Variants in CCDC144A observed in about 807,000 individuals in gnomAD.
The protein encoded by CCDC144A is coiled-coil domain containing 144A, also known as coiled-coil domain-containing protein 144A.
In CCDC144A, 41 loss-of-function variants were observed where a neutral mutation model predicts 143.8. That is an observed-to-expected ratio of 0.29 (90% CI 0.22 to 0.37). CCDC144A has a LOEUF of 0.37. Ranked by LOEUF, CCDC144A falls within the 10% of genes least tolerant of loss-of-function variation. The pLI, the probability that CCDC144A is intolerant of heterozygous loss-of-function variation, is 1.00. For missense variants in CCDC144A, 637 were observed against 1,488.8 expected (o/e 0.43, Z 9.41); for synonymous variants, 242 against 517.9 (o/e 0.47, Z 7.23).
At chr17:16,686,746 A>AC (rs1491332331), upstream of CCDC144A, among the ~76,000 whole-genome samples, 7 of 121,482 alleles carry the variant, frequency 5.8e-5, no homozygotes, top group East Asian at 1.8e-3. Flanking sequence ...TCACACACAC[A>AC]AACACACACA....
intron 2 of CCDC144A, among the ~76,000 whole-genome samples, chr17:16,704,438 A>G (rs923423311): frequency 3.9e-5 from 6 of 152,250 alleles, no homozygotes; most frequent in South Asian, 2.1e-4. Context: ...CTGGGTGACA[A>G]AGCGAGACTC....
In CCDC144A at chr17:16,762,258, A is replaced by G. The variant is rs572953486; in HGVS notation, c.3667-55A>G. 164 of 1,532,848 alleles carry G rather than the reference A, an allele frequency of 1.1e-4. No homozygotes were observed. In the African/African-American group the frequency reaches 2.1e-3, roughly 20 times the overall value. The allele number at this position is 1,532,848 out of a possible 1,614,324, so 95.0% of individuals were successfully genotyped here. Reference sequence around the variant, plus strand: ...TCCAAACAAAAGGAAACAAATACACAGTAATTATTCAGGTTATAATTACTT... The same window carrying G: ...TCCAAACAAAAGGAAACAAATACACGGTAATTATTCAGGTTATAATTACTT... On this transcript the variant is annotated intron_variant, in intron 13 of 16. Transcript: ENST00000399273.
intron 2 of CCDC144A, among the ~76,000 whole-genome samples, chr17:16,698,940 T>C (rs1438034882): frequency 1.3e-5 from 2 of 152,222 alleles, no homozygotes; most frequent in Admixed American, 6.5e-5. Context: ...TTTGGTCACA[T>C]CAGGAGAAAA....
intron 12 of CCDC144A, among the ~76,000 whole-genome samples, chr17:16,751,752 G>A (rs1234329103): frequency 6.6e-6 from 1 of 152,228 alleles, no homozygotes; most frequent in Non-Finnish European, 1.5e-5. Context: ...GATATAATGT[G>A]GGTCAAGGGG....
chr17:16,729,991 T>TATATATATATATATATATACACAC (rs1491438660), intron 9 of CCDC144A, among the ~76,000 whole-genome samples: 6 of 114,884 alleles, frequency 5.2e-5, no homozygotes, highest in African/African-American at 1.7e-4. Flanking sequence ...TATATATATA[T>TATATATATATATATATATACACAC]ACACACATAC....
At chr17:16,710,690 A>G (rs1159634649) in intron 5 of CCDC144A, among the ~76,000 whole-genome samples, 1 of 152,180 alleles carries the variant, frequency 6.6e-6, no homozygotes, top group Admixed American at 6.6e-5. Context: ...AACACTTAGT[A>G]TATGATGCCA....
chr17:16,672,891 T>C, the CCDC144A span, among the ~76,000 whole-genome samples: 110 of 152,232 alleles, frequency 7.2e-4, 1 homozygote, highest in East Asian at 0.02. Context: ...GAAGGATGCT[T>C]TTGCTTTTGC....
intron 8 of CCDC144A, among the ~76,000 whole-genome samples, chr17:16,723,785 C>T (rs1913231171): frequency 2.0e-5 from 3 of 152,296 alleles, no homozygotes; most frequent in Non-Finnish European, 1.5e-5. Context: ...AACATCACCT[C>T]TGTGATTAAG....
intron 12 of CCDC144A, among the ~76,000 whole-genome samples, chr17:16,737,098 G>C (rs1240560774): frequency 6.7e-6 from 1 of 149,766 alleles, no homozygotes; most frequent in Non-Finnish European, 1.5e-5. Context: ...GTGTGCACAT[G>C]AGGAAAAGAA....
chr17:16,751,621 C>T (rs1177869133), intron 12 of CCDC144A, among the ~76,000 whole-genome samples: 2 of 152,232 alleles, frequency 1.3e-5, no homozygotes, highest in African/African-American at 2.4e-5. Context: ...AGGGCAGCGG[C>T]CCAAGCCAAA....
chr17:16,712,685 A>T (rs1317506812), intron 6 of CCDC144A, among the ~76,000 whole-genome samples: 1 of 152,192 alleles, frequency 6.6e-6, no homozygotes, highest in African/African-American at 2.4e-5. Context: ...TTATAATATC[A>T]AGAAGTTGGA....
rs575802379 is a variant in CCDC144A at position 16,705,956 on chromosome 17, G to A, written c.664+557G>A. 1.3e-4 allele frequency: 20 copies of A among 157,628 alleles called. No homozygotes were observed. In the East Asian group the frequency reaches 3.2e-3, roughly 26 times the overall value. 9.8% of individuals were successfully genotyped at this position (157,628 alleles called of 1,614,324 possible). A position where few individuals can be genotyped will look rare whatever the true frequency, so the allele number is the denominator to read the frequency against. Reference sequence around the variant, plus strand: ...AAACTAGCTGGGCATGGTGGTGAACGCTTGTAGTCCCAGCTACTCAGGAGG... The same window carrying A: ...AAACTAGCTGGGCATGGTGGTGAACACTTGTAGTCCCAGCTACTCAGGAGG... On this transcript the variant is annotated intron_variant, in intron 3 of 16. Coordinates refer to ENST00000399273, the MANE Select transcript of CCDC144A (RefSeq NM_001382000.1).
At position 16,735,403 on chromosome 17, in the gene CCDC144A, A is replaced by C; in HGVS notation, c.3132A>C (p.Gln1044His). ...AATCTGTAGAGGAGAGATTATCTCA[A>C]CTACAAAGTGAAAATATGTTGCTTC... ...KQESVEERLS[Q>H]LQSENMLLRQ... The change falls in exon 12 of 17, where the codon CAA becomes CAC. Residue 1044 changes from glutamine to histidine, a missense_variant. Coordinates refer to ENST00000399273, the MANE Select transcript of CCDC144A (RefSeq NM_001382000.1). 6.2e-7 allele frequency: 1 copy of C among 1,612,018 alleles called. No individual in the cohort carries two copies. Among genetic ancestry groups the C allele is most frequent in the Non-Finnish European group, 8.5e-7 (1 of 1,178,494 alleles).
chr17:16,687,663 G>C (rs1258372321), upstream of CCDC144A, among the ~76,000 whole-genome samples: 1 of 152,016 alleles, frequency 6.6e-6, no homozygotes, highest in Non-Finnish European at 1.5e-5. Context: ...TGGAGGACTC[G>C]GGCCCATAGA....
intron 2 of CCDC144A, among the ~76,000 whole-genome samples, chr17:16,696,107 C>T (rs1441888035): frequency 1.3e-5 from 2 of 152,118 alleles, no homozygotes; most frequent in African/African-American, 2.4e-5. Flanking sequence ...CTCCGCCTCC[C>T]GAGTTCAAGT....
chr17:16,673,460 C>T, the CCDC144A span, among the ~76,000 whole-genome samples: 1 of 150,800 alleles, frequency 6.6e-6, no homozygotes, highest in African/African-American at 2.4e-5. Flanking sequence ...CACAGTGGCT[C>T]ACCGCAACCT....
intron 11 of CCDC144A, among the ~76,000 whole-genome samples, chr17:16,734,019 T>A (rs1311493896): frequency 6.6e-6 from 1 of 151,776 alleles, no homozygotes; most frequent in African/African-American, 2.4e-5. Flanking sequence ...TGTGTGCCTC[T>A]AGTTCAGCTA....
intron 12 of CCDC144A, among the ~76,000 whole-genome samples, chr17:16,737,162 C>CTTTTTTTTTTT (rs757856458): frequency 9.7e-6 from 1 of 102,666 alleles, no homozygotes; most frequent in Non-Finnish European, 1.9e-5. Flanking sequence ...AGAGTTAAAT[C>CTTTTTTTTTTT]TTTTTTTTTT....
At position 16,773,294 on chromosome 17, in the gene CCDC144A, A is replaced by G. The variant is rs1262410267; in HGVS notation, c.4142-203A>G. Among the ~76,000 whole-genome samples, 3 of 152,056 alleles carry G rather than the reference A, an allele frequency of 2.0e-5. No homozygotes were observed. In the East Asian group the frequency reaches 5.8e-4, roughly 29 times the overall value. ...ACGAAACCCTGCCCCTATAAAAAAT[A>G]CAAAAGCTTGCCAGGCACAGTGGCT... On this transcript the variant is annotated intron_variant, in intron 16 of 16. Transcript: ENST00000399273.
Sources: allele counts gnomAD v4.1 joint callset (sites outside exome capture counted in the v4.1 genomes callset), GRCh38; gene constraint gnomAD v4.1.1; transcripts MANE v1.5; gene names NCBI Gene and HGNC (gene_info 2026-07-23, HGNC 2026-07-21).